Variants in PLD5 observed in about 807,000 individuals in gnomAD.
PLD5 encodes the protein inactive phospholipase D5.
A neutral mutation model predicts 61.1 loss-of-function variants in PLD5; 36 were observed. The ratio of observed to expected loss-of-function variants is 0.59; its 90% CI spans 0.45 to 0.78. PLD5 has a LOEUF of 0.78. PLD5 is among the 30% of genes least tolerant of loss of function. PLD5 has a pLI of 0.00. For missense variants in PLD5, 515 were observed against 644.4 expected, an observed-to-expected ratio of 0.80 and a Z score of 2.17; for synonymous variants, 243 against 242.8, an observed-to-expected ratio of 1.00 and a Z score of -0.01.
intron 1 of PLD5, among the ~76,000 whole-genome samples, chr1:242,440,821 C>T (rs1420135169): frequency 6.6e-6 from 1 of 152,222 alleles, no homozygotes; most frequent in Non-Finnish European, 1.5e-5. Context: ...CCTCACTCCG[C>T]CTCCTCCTAC....
intron 5 of PLD5, among the ~76,000 whole-genome samples, chr1:242,177,519 C>A (rs999147707): frequency 1.3e-5 from 2 of 151,968 alleles, no homozygotes; most frequent in Non-Finnish European, 2.9e-5. Flanking sequence ...ACCTATGTAA[C>A]AAAACTGCAC....
rs1203725633 is a variant in PLD5, at chr1:242,350,470, C to T, written c.190-2228G>A. Among the ~76,000 whole-genome samples, 12 of 98,316 alleles carry T rather than the reference C, an allele frequency of 1.2e-4. No individual in the cohort carries two copies. The Admixed American group carries it at 1.3e-3, about 11-fold the overall frequency. 64.5% of individuals were successfully genotyped at this position (98,316 alleles called of 152,430 possible). A position where few individuals can be genotyped will look rare whatever the true frequency, so the allele number is the denominator to read the frequency against. ...ACACACACACACACACACACACACACACACACAGTTCAGAGCCTTTCTGAA... is the reference window on the plus strand; with the variant it reads ...ACACACACACACACACACACACACATACACACAGTTCAGAGCCTTTCTGAA... On this transcript the variant is annotated intron_variant, in intron 1 of 9. Coordinates refer to ENST00000536534, the MANE Select transcript of PLD5 (RefSeq NM_001372062.1).
At chr1:242,494,105 C>G (rs530742645) in intron 1 of PLD5, among the ~76,000 whole-genome samples, 3 of 129,680 alleles carry the variant, frequency 2.3e-5, no homozygotes, top group Admixed American at 7.7e-5. Flanking sequence ...CCTCTCCTCC[C>G]CTCTCCTCCC....
At chr1:242,480,178 C>T (rs534360514) in intron 1 of PLD5, among the ~76,000 whole-genome samples, 23 of 152,274 alleles carry the variant, frequency 1.5e-4, no homozygotes, top group African/African-American at 5.5e-4. Flanking sequence ...ATTAACTGGA[C>T]AGAGTAGTGA....
intron 5 of PLD5, among the ~76,000 whole-genome samples, chr1:242,143,939 C>G (rs916421869): frequency 2.6e-5 from 4 of 151,722 alleles, no homozygotes; most frequent in Non-Finnish European, 4.4e-5. Flanking sequence ...CTGCCAGGTT[C>G]AAGCGATTCT....
Position 242,288,301 on chromosome 1 carries a change from T to C in PLD5, c.495+61A>G, listed in dbSNP as rs1675147380. The C allele has an allele frequency of 1.9e-6, 3 of 1,583,590 alleles. No homozygotes were observed. In the Middle Eastern group the frequency reaches 5.2e-4, roughly 276 times the overall value. ...GAGTTTGAGGAGTGGAGGAGCAGAA[T>C]ACTAAGGAGTGGAAAATGCACATAA... On this transcript the variant is annotated intron_variant, in intron 3 of 9. Coordinates refer to ENST00000536534, the MANE Select transcript of PLD5 (RefSeq NM_001372062.1).
At chr1:242,397,452 C>T (rs1663657540) in intron 1 of PLD5, among the ~76,000 whole-genome samples, 1 of 151,672 alleles carries the variant, frequency 6.6e-6, no homozygotes, top group African/African-American at 2.4e-5. Flanking sequence ...TAACTTAGTC[C>T]TAATCACCAT....
chr1:242,149,408 C>A (rs1171217087), intron 5 of PLD5, among the ~76,000 whole-genome samples: 3 of 151,656 alleles, frequency 2.0e-5, no homozygotes, highest in African/African-American at 7.3e-5. Context: ...AACTTCCCAT[C>A]CATGTTTATG....
chr1:242,169,674 C>T (rs12139740), intron 5 of PLD5, among the ~76,000 whole-genome samples: 31,420 of 152,092 alleles, frequency 0.21, 3,917 homozygotes, highest in South Asian at 0.34. Context: ...AACTAACATC[C>T]ACTGGCTTGA....
At chr1:242,217,264 T>C (rs555367431) in intron 5 of PLD5, among the ~76,000 whole-genome samples, 1 of 152,324 alleles carries the variant, frequency 6.6e-6, no homozygotes, top group African/African-American at 2.4e-5. Flanking sequence ...GTTATTCCTC[T>C]GATAGATCTG....
chr1:242,346,797 C>T (rs149385063), intron 2 of PLD5, among the ~76,000 whole-genome samples: 2,108 of 152,264 alleles, frequency 0.014, 43 homozygotes, highest in African/African-American at 0.048. Context: ...CTGATGCTCT[C>T]CGTCCTCCCA....
At chr1:242,221,017 A>G (rs1574548388) in intron 4 of PLD5, among the ~76,000 whole-genome samples, 1 of 152,190 alleles carries the variant, frequency 6.6e-6, no homozygotes, top group Non-Finnish European at 1.5e-5. Context: ...GCTTACAGGT[A>G]TCTGACAGTT....
At chr1:242,281,542 T>C (rs1574660288) in intron 3 of PLD5, among the ~76,000 whole-genome samples, 1 of 151,016 alleles carries the variant, frequency 6.6e-6, no homozygotes, top group East Asian at 2.0e-4. Flanking sequence ...CACACACACG[T>C]GCAAATATAG....
chr1:242,269,957 C>T (rs1673959656), intron 3 of PLD5, among the ~76,000 whole-genome samples: 1 of 152,138 alleles, frequency 6.6e-6, no homozygotes, highest in Non-Finnish European at 1.5e-5. Flanking sequence ...CTTTCAATTC[C>T]AAAAGACTGG....
At chr1:242,156,266 C>T (rs1468104273) in intron 5 of PLD5, among the ~76,000 whole-genome samples, 1 of 152,138 alleles carries the variant, frequency 6.6e-6, no homozygotes, top group African/African-American at 2.4e-5. Flanking sequence ...AGATGGGTCT[C>T]CTGAATACAG....
intron 1 of PLD5, among the ~76,000 whole-genome samples, chr1:242,354,127 A>T (rs1186269079): frequency 1.3e-5 from 2 of 152,008 alleles, no homozygotes; most frequent in Non-Finnish European, 2.9e-5. Flanking sequence ...ACTGGCAGGA[A>T]CCAGCAGATG....
intron 1 of PLD5, among the ~76,000 whole-genome samples, chr1:242,493,774 G>A (rs981451067): frequency 1.1e-4 from 17 of 152,234 alleles, no homozygotes; most frequent in East Asian, 1.9e-4. Context: ...CCCTGGTGCC[G>A]GGAAGGCTCC....
chr1:242,386,246 C>A (rs955378861), intron 1 of PLD5, among the ~76,000 whole-genome samples: 4 of 152,110 alleles, frequency 2.6e-5, no homozygotes, highest in Non-Finnish European at 4.4e-5. Flanking sequence ...GGGGGTAGAA[C>A]TTCAACATAT....
chr1:242,167,416 C>T (rs7549662), intron 5 of PLD5, among the ~76,000 whole-genome samples: 74,789 of 151,822 alleles, frequency 0.49, 19,016 homozygotes, highest in East Asian at 0.71. Context: ...TTTATGAAAC[C>T]GTCAGATCTC....
Sources: gnomAD v4.1 joint callset for allele counts (sites outside exome capture counted in the v4.1 genomes callset) on GRCh38, gnomAD v4.1.1 for gene constraint, MANE v1.5 for transcripts, NCBI Gene and HGNC (gene_info 2026-07-23, HGNC 2026-07-21) for gene names.